The following ZNF385D variants were observed in gnomAD, a reference collection of about 807,000 sequenced individuals.
ZNF385D encodes the protein zinc finger protein 659.
A neutral mutation model predicts 35.8 loss-of-function variants in ZNF385D; 15 were observed. The ratio of observed to expected loss-of-function variants is 0.42; its 90% CI spans 0.28 to 0.64. The LOEUF (loss-of-function observed/expected upper bound fraction) is 0.64, where lower values mean the gene tolerates loss of function less well. Among genes scored for constraint, ZNF385D ranks in the 30% least tolerant of loss-of-function variants. The pLI is 0.23. For missense variants in ZNF385D, 474 were observed against 494.6 expected (o/e 0.96, Z 0.39); for synonymous variants, 212 against 186.8 (o/e 1.13, Z -1.10).
intron 2 of ZNF385D, among the ~76,000 whole-genome samples, chr3:22,317,507 AACC>A (rs1424661896): frequency 6.6e-6 from 1 of 151,830 alleles, no homozygotes; most frequent in African/African-American, 2.4e-5. Flanking sequence ...TACGTAATAA[AACC>A]ACCTTTGATG....
chr3:21,492,926 A>G (rs1705545400), intron 4 of ZNF385D, among the ~76,000 whole-genome samples: 2 of 152,070 alleles, frequency 1.3e-5, no homozygotes, highest in Admixed American at 1.3e-4. Flanking sequence ...TAGTGAACAG[A>G]AGTTACCAAT....
intron 3 of ZNF385D, among the ~76,000 whole-genome samples, chr3:22,153,071 C>T (rs146453923): frequency 2.6e-5 from 4 of 152,128 alleles, no homozygotes; most frequent in Admixed American, 6.6e-5. Context: ...ATGGTTAAAA[C>T]TGACCAATGT....
At chr3:21,849,099 A>G (rs956123602) in intron 3 of ZNF385D, among the ~76,000 whole-genome samples, 5 of 152,088 alleles carry the variant, frequency 3.3e-5, no homozygotes, top group Non-Finnish European at 7.4e-5. Flanking sequence ...GTTGTTGCCT[A>G]TAATATTGGT....
chr3:21,814,718 C>A (rs959701072), intron 3 of ZNF385D, among the ~76,000 whole-genome samples: 1 of 152,092 alleles, frequency 6.6e-6, no homozygotes, highest in African/African-American at 2.4e-5. Context: ...ACTTAGACTC[C>A]CACAAAATAA....
chr3:21,698,730 T>TA (rs35404360), intron 1 of ZNF385D, among the ~76,000 whole-genome samples: 62 of 146,362 alleles, frequency 4.2e-4, no homozygotes, highest in South Asian at 6.5e-4. Context: ...CCAACAAACA[T>TA]AAAAAAAAAA....
chr3:21,852,959 T>C (rs1696478549), intron 3 of ZNF385D, among the ~76,000 whole-genome samples: 1 of 151,914 alleles, frequency 6.6e-6, no homozygotes, highest in Non-Finnish European at 1.5e-5. Flanking sequence ...AGTTTCAATT[T>C]CTTCCACTTG....
chr3:22,170,764 T>G (rs1243732243), intron 2 of ZNF385D, among the ~76,000 whole-genome samples: 2 of 152,160 alleles, frequency 1.3e-5, no homozygotes, highest in Non-Finnish European at 2.9e-5. Flanking sequence ...AATCAGAACA[T>G]TTCAAAACTT....
chr3:22,274,304 T>C (rs866898925), intron 2 of ZNF385D, among the ~76,000 whole-genome samples: 4 of 151,990 alleles, frequency 2.6e-5, no homozygotes, highest in Non-Finnish European at 5.9e-5. Context: ...ATGAACCTTA[T>C]AGAAAAAGAT....
intron 3 of ZNF385D, among the ~76,000 whole-genome samples, chr3:22,127,636 G>A (rs1026814683): frequency 6.6e-6 from 1 of 151,890 alleles, no homozygotes; most frequent in African/African-American, 2.4e-5. Context: ...CACCGTGCCT[G>A]GCCCTAAATG....
At chr3:22,183,838 T>C (rs1695448498) in intron 2 of ZNF385D, among the ~76,000 whole-genome samples, 5 of 150,772 alleles carry the variant, frequency 3.3e-5, no homozygotes, top group Admixed American at 3.3e-4. Flanking sequence ...TAGCTTTAGT[T>C]TTTTTTTTAA....
intron 2 of ZNF385D, among the ~76,000 whole-genome samples, chr3:22,191,206 T>C (rs1695999166): frequency 6.6e-6 from 1 of 151,528 alleles, no homozygotes; most frequent in Non-Finnish European, 1.5e-5. Context: ...AAGACAACTT[T>C]GCAGCCGGGC....
intron 3 of ZNF385D, among the ~76,000 whole-genome samples, chr3:22,155,905 A>G (rs1461522703): frequency 6.6e-6 from 1 of 152,120 alleles, no homozygotes; most frequent in Non-Finnish European, 1.5e-5. Flanking sequence ...AGGAAAGTTA[A>G]GAGTATTCAA....
chr3:22,356,285 A>T (rs895600456), intron 2 of ZNF385D, among the ~76,000 whole-genome samples: 1 of 152,004 alleles, frequency 6.6e-6, no homozygotes, highest in Non-Finnish European at 1.5e-5. Flanking sequence ...AGCAAACCAC[A>T]CAGGAGGTAT....
intron 3 of ZNF385D, among the ~76,000 whole-genome samples, chr3:22,132,100 G>A (rs1231021690): frequency 2.6e-5 from 4 of 152,112 alleles, no homozygotes; most frequent in African/African-American, 9.7e-5. Flanking sequence ...AGTGATTATA[G>A]TGGTGCTATG....
intron 3 of ZNF385D, among the ~76,000 whole-genome samples, chr3:21,564,216 T>TATC (rs2063059350): frequency 6.6e-6 from 1 of 152,152 alleles, no homozygotes; most frequent in African/African-American, 2.4e-5. Context: ...ATTTGGTACC[T>TATC]ATCTTATTTC....
At chr3:22,269,915 C>G (rs1026033721) in intron 2 of ZNF385D, among the ~76,000 whole-genome samples, 1 of 151,752 alleles carries the variant, frequency 6.6e-6, no homozygotes, top group Admixed American at 6.6e-5. Flanking sequence ...GCTATTTTAT[C>G]CTGTGCTGAT....
chr3:21,878,891 A>G (rs998983289), intron 3 of ZNF385D, among the ~76,000 whole-genome samples: 2 of 152,064 alleles, frequency 1.3e-5, no homozygotes, highest in Non-Finnish European at 2.9e-5. Flanking sequence ...TTTATGTGGG[A>G]AAGACCTTAT....
chr3:21,596,605 T>G (rs1442077424), intron 2 of ZNF385D, among the ~76,000 whole-genome samples: 1 of 151,524 alleles, frequency 6.6e-6, no homozygotes, highest in African/African-American at 2.4e-5. Context: ...CTCAGCCTAC[T>G]GGCCAGCTGA....
At chr3:22,339,253 T>G (rs989783966) in intron 2 of ZNF385D, among the ~76,000 whole-genome samples, 1 of 152,064 alleles carries the variant, frequency 6.6e-6, no homozygotes. Flanking sequence ...CATGAAACAA[T>G]GAAAGAAATT....
Sources: gnomAD v4.1 joint callset for allele counts (sites outside exome capture counted in the v4.1 genomes callset) on GRCh38, gnomAD v4.1.1 for gene constraint, MANE v1.5 for transcripts, NCBI Gene and HGNC (gene_info 2026-07-23, HGNC 2026-07-21) for gene names.